IKBKE: variants seen among roughly 807,000 people sequenced by gnomAD.
IKBKE encodes inhibitor of nuclear factor kappa-B kinase subunit epsilon.
In IKBKE, 45 loss-of-function variants were observed where a neutral mutation model predicts 92.1. The ratio of observed to expected loss-of-function variants is 0.49; its 90% CI spans 0.38 to 0.63. IKBKE has a LOEUF of 0.63. IKBKE is among the 20% of genes least tolerant of loss of function. IKBKE has a pLI of 0.00. For synonymous variants in IKBKE, 374 were observed against 380.3 expected (o/e 0.98, Z 0.19); for missense variants, 700 against 932.8 (o/e 0.75, Z 3.25).
At position 206,491,651 on chromosome 1, in the gene IKBKE, G is replaced by A. The variant is rs782633912; in HGVS notation, c.1737G>A (p.Val579=). ...CCTTGGTTCTCTGTCGTTCTAGGGT[G>A]AATTTCAGTCATTTAGCCAAAAGAC... is the stretch of plus-strand genomic sequence containing the variant. ...NEEQIHKLDK[V]NFSHLAKRLL... is the part of the protein sequence containing the mutation. Residue 579 remains valine, a synonymous_variant, in exon 18 of 22, where the codon GTG becomes GTA. Coordinates refer to ENST00000581977, the MANE Select transcript of IKBKE (RefSeq NM_014002.4). The A allele has an allele frequency of 6.2e-7, 1 of 1,612,016 alleles. No individual in the cohort carries two copies. The highest frequency in any genetic ancestry group is 1.1e-5 in the South Asian group (1 of 90,964).
At position 206,479,861 on chromosome 1, in the gene IKBKE, T is replaced by C. The variant is rs1403188024; in HGVS notation, c.1184-9T>C. ...AGGCAGGCCCCTCAGACAGGGTCTT[T>C]GTCTGCAGCTGCTCTGGACGTCCCC... On this transcript the variant is annotated splice_polypyrimidine_tract_variant and intron_variant, in intron 10 of 21. Coordinates refer to ENST00000581977, the MANE Select transcript of IKBKE (RefSeq NM_014002.4). The C allele has an allele frequency of 6.2e-7, 1 of 1,613,612 alleles. No individual in the cohort carries two copies. The highest frequency in any genetic ancestry group is 8.5e-7 in the Non-Finnish European group (1 of 1,179,926).
chr1:206,479,289 C>T (rs1462675132), intron 10 of IKBKE, among the ~76,000 whole-genome samples, 156 bp downstream of exon 10: 1 of 152,202 alleles, frequency 6.6e-6, no homozygotes, highest in East Asian at 1.9e-4. Context: ...CTGCAGACGC[C>T]TCTGAGATGC....
intron 13 of IKBKE, among the ~76,000 whole-genome samples, chr1:206,483,933 T>A (rs41299009): frequency 0.015 from 2,230 of 151,830 alleles, 45 homozygotes; most frequent in African/African-American, 0.048. Flanking sequence ...GTTTTAAAAA[T>A]TTTTTTTTAG....
intron 21 of IKBKE, among the ~76,000 whole-genome samples, chr1:206,495,643 C>T (rs1485170711): frequency 4.6e-5 from 7 of 152,220 alleles, no homozygotes; most frequent in Admixed American, 4.6e-4. Context: ...CAAAACAGCC[C>T]TCTTGGTCAG....
At chr1:206,493,187 C>T (rs1426981641) in intron 19 of IKBKE, 68 bp downstream of exon 19, 3 of 1,555,384 alleles carry the variant, frequency 1.9e-6, no homozygotes, top group East Asian at 2.2e-5. Flanking sequence ...CCCATGTCTT[C>T]CCCTCCTCCA....
At chr1:206,486,020 A>C (rs1665639953) in intron 15 of IKBKE, among the ~76,000 whole-genome samples, 1 of 152,154 alleles carries the variant, frequency 6.6e-6, no homozygotes, top group Admixed American at 6.5e-5. Context: ...CCATCATCCC[A>C]TGGCCTCAAT....
rs1379344100 is a variant in IKBKE, at chr1:206,480,439, T to G, written c.1341-8T>G. On this transcript the variant is annotated splice_region_variant and splice_polypyrimidine_tract_variant and intron_variant, in intron 12 of 21. Transcript: ENST00000581977. ...AAGGCAGCTCTGACTCAGTCTCCCC[T>G]TGGACAGGGAGGTGCTCCAGGCCAC... The G allele has an allele frequency of 6.8e-6, 11 of 1,612,064 alleles. No homozygotes were observed. In the East Asian group the frequency reaches 2.5e-4, roughly 36 times the overall value.
At chr1:206,481,412 G>T (rs537427963) in intron 13 of IKBKE, among the ~76,000 whole-genome samples, 3 of 152,222 alleles carry the variant, frequency 2.0e-5, no homozygotes, top group East Asian at 3.8e-4. Context: ...CTCCTGCTTC[G>T]CAGCAGCAAC....
intron 4 of IKBKE, 71 bp from the exon 5 acceptor site, chr1:206,474,794 G>A (rs782704507): frequency 1.3e-6 from 2 of 1,571,584 alleles, no homozygotes; most frequent in Non-Finnish European, 8.7e-7. Context: ...GCTCCAGGCT[G>A]AGCCACTTCT....
At chr1:206,488,033 T>C (rs1553389254) in intron 16 of IKBKE, 43 bp downstream of exon 16, 1 of 1,443,954 alleles carries the variant, frequency 6.9e-7, no homozygotes, top group Admixed American at 1.7e-5. Flanking sequence ...CTCCTCTGTC[T>C]CCCTTCTTTC....
intron 15 of IKBKE, among the ~76,000 whole-genome samples, chr1:206,486,998 C>T (rs892131086): frequency 3.3e-5 from 5 of 152,220 alleles, no homozygotes; most frequent in African/African-American, 1.2e-4. Flanking sequence ...GGCTGTGGAT[C>T]CCAGGCCTTG....
chr1:206,473,609 A>T (rs1664894844), intron 3 of IKBKE, among the ~76,000 whole-genome samples: 1 of 152,226 alleles, frequency 6.6e-6, no homozygotes, highest in Non-Finnish European at 1.5e-5. Context: ...GTGGGGAATT[A>T]GGCCTTGTTT....
At chr1:206,480,977 T>C (rs1665353735) in intron 13 of IKBKE, among the ~76,000 whole-genome samples, 1 of 152,188 alleles carries the variant, frequency 6.6e-6, no homozygotes, top group Non-Finnish European at 1.5e-5. Context: ...TCCTGCTTTC[T>C]CTGAGTCTTC....
In IKBKE at chr1:206,495,167, G is replaced by A. The variant is rs556063336; in HGVS notation, c.2118-945G>A. Among the ~76,000 whole-genome samples, 14 of 152,084 alleles carry A rather than the reference G, an allele frequency of 9.2e-5. No individual in the cohort carries two copies. The East Asian group carries it at 2.3e-3, about 25-fold the overall frequency. ...TCTCCCACTCCTGCCTGTCATCCTCGTGTCTGTCATTTTCCTGTCTGAGAA... is the reference window on the plus strand; with the variant it reads ...TCTCCCACTCCTGCCTGTCATCCTCATGTCTGTCATTTTCCTGTCTGAGAA... On this transcript the variant is annotated intron_variant, in intron 21 of 21. Transcript: ENST00000581977.
chr1:206,484,908 T>A, intron 13 of IKBKE, 89 bp from the exon 14 acceptor site: 1 of 1,042,666 alleles, frequency 9.6e-7, no homozygotes, highest in Non-Finnish European at 1.5e-6. Context: ...ACAGATGCTA[T>A]GCCCAGCATG....
intron 18 of IKBKE, chr1:206,492,389 C>T (rs1262021041): frequency 6.5e-6 from 3 of 463,934 alleles, no homozygotes; most frequent in Non-Finnish European, 9.0e-6. Context: ...TGTAGGACCT[C>T]ACCTTGTTAT....
chr1:206,489,359 G>A (rs1165226224), intron 16 of IKBKE, among the ~76,000 whole-genome samples: 1 of 26,860 alleles, frequency 3.7e-5, no homozygotes, highest in Admixed American at 3.1e-4. Context: ...GTGTGTGTGT[G>A]TGTGTGTGTG....
intron 21 of IKBKE, among the ~76,000 whole-genome samples, chr1:206,494,592 C>CTTTTTTTTTTT (rs58971788): frequency 2.8e-4 from 18 of 63,906 alleles, no homozygotes; most frequent in Admixed American, 6.3e-4. Context: ...AAAGTTCTTT[C>CTTTTTTTTTTT]TTTTTTTTTT....
At chr1:206,493,854 C>T in intron 20 of IKBKE, 66 bp from the exon 21 acceptor site, 2 of 1,332,218 alleles carry the variant, frequency 1.5e-6, no homozygotes, top group Non-Finnish European at 1.1e-6. Flanking sequence ...GTGGGCCTCC[C>T]AGGAAAAGGG....
Sources: allele counts gnomAD v4.1 joint callset (sites outside exome capture counted in the v4.1 genomes callset), GRCh38; gene constraint gnomAD v4.1.1; transcripts MANE v1.5; gene names NCBI Gene and HGNC (gene_info 2026-07-23, HGNC 2026-07-21).